AGBL4: variants seen among roughly 807,000 people sequenced by gnomAD.
The protein encoded by AGBL4 is AGBL carboxypeptidase 4.
AGBL4 carries 58 observed loss-of-function variants against 66.4 expected under a neutral mutation model. The ratio of observed to expected loss-of-function variants is 0.87; its 90% CI spans 0.71 to 1.09. The LOEUF is 1.09. Ranked by LOEUF, AGBL4 falls within the 50% of genes least tolerant of loss-of-function variation. The pLI is 0.00. For synonymous variants in AGBL4, 234 were observed against 222.9 expected, an observed-to-expected ratio of 1.05 and a Z score of -0.44; for missense variants, 579 against 631.0, an observed-to-expected ratio of 0.92 and a Z score of 0.88.
chr1:49,918,584 A>G (rs1651839649), intron 1 of AGBL4, among the ~76,000 whole-genome samples: 3 of 151,346 alleles, frequency 2.0e-5, no homozygotes, highest in African/African-American at 2.4e-5. Flanking sequence ...TGAAATTGAG[A>G]CAATAATTAA....
chr1:49,265,257 T>C (rs1643892237), intron 3 of AGBL4, among the ~76,000 whole-genome samples: 1 of 152,192 alleles, frequency 6.6e-6, no homozygotes, highest in Admixed American at 6.5e-5. Flanking sequence ...TACAGAAGGT[T>C]TATAACTCAG....
At chr1:49,421,933 A>G (rs1645555020) in intron 3 of AGBL4, among the ~76,000 whole-genome samples, 1 of 152,056 alleles carries the variant, frequency 6.6e-6, no homozygotes, top group African/African-American at 2.4e-5. Context: ...CCACATTTAG[A>G]TGTACTATTC....
intron 3 of AGBL4, among the ~76,000 whole-genome samples, chr1:49,648,873 A>T (rs1406771571): frequency 6.6e-6 from 1 of 152,148 alleles, no homozygotes; most frequent in African/African-American, 2.4e-5. Flanking sequence ...AGAGAAGAAA[A>T]ATTATATACC....
At chr1:49,470,616 A>G in intron 3 of AGBL4, among the ~76,000 whole-genome samples, 1 of 152,036 alleles carries the variant, frequency 6.6e-6, no homozygotes, top group East Asian at 1.9e-4. Context: ...TTTCCATAAG[A>G]CATGCCCACC....
intron 6 of AGBL4, among the ~76,000 whole-genome samples, chr1:48,701,003 T>C (rs891871692): frequency 3.9e-5 from 6 of 152,192 alleles, no homozygotes; most frequent in African/African-American, 1.4e-4. Flanking sequence ...ATCAAAACTC[T>C]TGGCTGAAGT....
chr1:49,991,098 A>G (rs1476685902), intron 1 of AGBL4, among the ~76,000 whole-genome samples: 2 of 152,230 alleles, frequency 1.3e-5, no homozygotes, highest in Non-Finnish European at 2.9e-5. Context: ...AAATACACCC[A>G]GTGAAGCCAA....
intron 6 of AGBL4, among the ~76,000 whole-genome samples, chr1:48,768,273 G>T (rs1644631305): frequency 1.3e-5 from 2 of 152,208 alleles, no homozygotes; most frequent in African/African-American, 4.8e-5. Flanking sequence ...TTCCCAAGTT[G>T]AAGTAAACAC....
chr1:48,870,978 A>G (rs1264989838), intron 5 of AGBL4, among the ~76,000 whole-genome samples: 1 of 152,204 alleles, frequency 6.6e-6, no homozygotes, highest in Non-Finnish European at 1.5e-5. Context: ...AAAGTCATTC[A>G]AAAATAAAAG....
chr1:49,080,948 T>C lies in AGBL4; in HGVS notation c.378-35148A>G, dbSNP rs183569297. Among the ~76,000 whole-genome samples the C allele has an allele frequency of 3.3e-5, 5 of 152,324 alleles. No homozygotes were observed. In the East Asian group the frequency reaches 9.6e-4, roughly 29 times the overall value. ...TTTATATATAGCCTTTTTAAATTGTTTCTCTAAAACAATTAGAATTTCATT... is the reference window on the plus strand; with the variant it reads ...TTTATATATAGCCTTTTTAAATTGTCTCTCTAAAACAATTAGAATTTCATT... On this transcript the variant is annotated intron_variant, in intron 4 of 13. Transcript: ENST00000371839.
At chr1:49,244,179 C>T (rs1341756456) in intron 4 of AGBL4, among the ~76,000 whole-genome samples, 1 of 151,788 alleles carries the variant, frequency 6.6e-6, no homozygotes, top group African/African-American at 2.4e-5. Context: ...TATTGCTGTA[C>T]AAGATCCCAA....
Position 48,653,357 on chromosome 1 carries a change from T to C in AGBL4, c.819A>G (p.Gly273=), listed in dbSNP as rs1419180741. Residue 273 remains glycine, a synonymous_variant, in exon 8 of 14, where the codon GGA becomes GGG. Coordinates refer to ENST00000371839, the MANE Select transcript of AGBL4 (RefSeq NM_032785.4). ...CTTACCTGTAATTGCCCAGGTAGAC[T>C]CCATCAGGATTGAGCATTGGTGCGA... ...FKIAPMLNPD[G]VYLGNYRCSL... The C allele has an allele frequency of 6.3e-7, 1 of 1,580,914 alleles. No homozygotes were observed. The highest frequency in any genetic ancestry group is 8.6e-7 in the Non-Finnish European group (1 of 1,162,484).
intron 2 of AGBL4, among the ~76,000 whole-genome samples, chr1:49,730,094 T>C (rs1571421699): frequency 6.6e-6 from 1 of 152,162 alleles, no homozygotes; most frequent in South Asian, 2.1e-4. Context: ...GTAAAAACCC[T>C]GGACTCAGCC....
chr1:48,620,840 G>GT (rs1324603518), intron 9 of AGBL4, among the ~76,000 whole-genome samples: 1 of 152,022 alleles, frequency 6.6e-6, no homozygotes, highest in African/African-American at 2.4e-5. Context: ...TGTATGTGGT[G>GT]TTTTTTTAAT....
chr1:49,115,337 A>C (rs1023231458), intron 4 of AGBL4, among the ~76,000 whole-genome samples: 15 of 152,156 alleles, frequency 9.9e-5, no homozygotes, highest in African/African-American at 3.6e-4. Flanking sequence ...TCTTCTACTG[A>C]AAAGAGAATA....
chr1:49,398,258 T>A (rs1645011735), intron 3 of AGBL4, among the ~76,000 whole-genome samples: 1 of 152,144 alleles, frequency 6.6e-6, no homozygotes. Context: ...GCAGGCATCA[T>A]CTATTTCATT....
intron 3 of AGBL4, among the ~76,000 whole-genome samples, chr1:49,652,266 G>A (rs1646023062): frequency 6.6e-6 from 1 of 152,152 alleles, no homozygotes; most frequent in South Asian, 2.1e-4. Context: ...AGACAACTTG[G>A]CAAACATATT....
chr1:49,131,913 G>A (rs1347486892), intron 4 of AGBL4, among the ~76,000 whole-genome samples: 1 of 152,016 alleles, frequency 6.6e-6, no homozygotes, highest in African/African-American at 2.4e-5. Context: ...ATACATCAAA[G>A]ACAAGATATG....
intron 6 of AGBL4, among the ~76,000 whole-genome samples, chr1:48,806,393 C>T (rs1645924286): frequency 6.6e-6 from 1 of 152,176 alleles, no homozygotes; most frequent in Non-Finnish European, 1.5e-5. Context: ...GAGTGCTCAC[C>T]ACTTTTCAAA....
At chr1:48,990,641 CTGCT>C (rs1379003791) in intron 5 of AGBL4, among the ~76,000 whole-genome samples, 5 of 151,918 alleles carry the variant, frequency 3.3e-5, no homozygotes, top group African/African-American at 9.7e-5. Flanking sequence ...TTATTGCTGT[CTGCT>C]TGTTTTGTGG....
Sources: allele counts gnomAD v4.1 joint callset (sites outside exome capture counted in the v4.1 genomes callset), GRCh38; gene constraint gnomAD v4.1.1; transcripts MANE v1.5; gene names NCBI Gene and HGNC (gene_info 2026-07-23, HGNC 2026-07-21).